PRKAA1: variants seen among roughly 807,000 people sequenced by gnomAD.
The protein encoded by PRKAA1 is protein kinase AMP-activated catalytic subunit alpha 1.
A neutral mutation model predicts 56.9 loss-of-function variants in PRKAA1; 23 were observed. The observed-to-expected ratio is 0.40, with a 90% CI of 0.29 to 0.57. The LOEUF is 0.57. PRKAA1 is among the 20% of genes least tolerant of loss of function. PRKAA1 has a pLI of 0.39. For missense variants in PRKAA1, 413 were observed against 679.7 expected (o/e 0.61, Z 4.36); for synonymous variants, 226 against 227.0 (o/e 1.00, Z 0.04).
At chr5:40,769,948 G>GA (rs1411655328) in intron 4 of PRKAA1, among the ~76,000 whole-genome samples, 1 of 113,798 alleles carries the variant, frequency 8.8e-6, no homozygotes, top group Non-Finnish European at 1.8e-5. Context: ...ACTCCAAAAA[G>GA]AAACTGTTGC....
At chr5:40,778,202 T>C (rs1744104988) in intron 1 of PRKAA1, among the ~76,000 whole-genome samples, 5 of 152,136 alleles carry the variant, frequency 3.3e-5, no homozygotes, top group African/African-American at 4.8e-5. Context: ...TGAGCCCAGA[T>C]TGCACCACTG....
intron 3 of PRKAA1, chr5:40,775,031 A>T (rs1394920047): frequency 8.7e-7 from 1 of 1,150,820 alleles, no homozygotes; most frequent in Non-Finnish European, 1.3e-6. Flanking sequence ...CAAGGCCTAG[A>T]TCTTTAAGTA....
At chr5:40,782,996 T>A (rs995968325) in intron 1 of PRKAA1, among the ~76,000 whole-genome samples, 1 of 152,166 alleles carries the variant, frequency 6.6e-6, no homozygotes, top group African/African-American at 2.4e-5. Context: ...TCTTCCCTTT[T>A]GAAGTAATAG....
At chr5:40,780,885 T>G (rs1400522336) in intron 1 of PRKAA1, among the ~76,000 whole-genome samples, 2 of 152,174 alleles carry the variant, frequency 1.3e-5, no homozygotes, top group Non-Finnish European at 1.5e-5. Context: ...AATAATGCTT[T>G]AACAAGTTTC....
In PRKAA1 at chr5:40,761,482, A is replaced by G. The variant is rs995216224; in HGVS notation, c.*1296T>C. 1.3e-5 allele frequency: 2 copies of G among 152,210 alleles called. No homozygotes were observed. Among genetic ancestry groups the G allele is most frequent in the African/African-American group, 4.8e-5 (2 of 41,458 alleles). 9.4% of individuals were successfully genotyped at this position (152,210 alleles called of 1,614,324 possible). A position where few individuals can be genotyped will look rare whatever the true frequency, so the allele number is the denominator to read the frequency against. The stretch of plus-strand genomic sequence containing the variant: ...TATGCATAACTAGCTGTATCTATAC[A>G]TATATAGGTATAGAGAAAACAAATG... On this transcript the variant is annotated 3_prime_UTR_variant, in exon 9 of 9. Coordinates refer to ENST00000397128, the MANE Select transcript of PRKAA1 (RefSeq NM_006251.6).
chr5:40,783,744 G>C (rs932873542), intron 1 of PRKAA1, among the ~76,000 whole-genome samples: 3 of 152,160 alleles, frequency 2.0e-5, no homozygotes, highest in Middle Eastern at 3.4e-3. Flanking sequence ...GGGCAACAGA[G>C]CGAGACTCCA....
Position 40,798,145 on chromosome 5 carries a change from C to T in PRKAA1, c.45G>A (p.Lys15=), listed in dbSNP as rs779743652. The change falls in exon 1 of 9, where the codon AAG becomes AAA. Residue 15 remains lysine (K), a synonymous_variant. Coordinates refer to ENST00000397128, the MANE Select transcript of PRKAA1 (RefSeq NM_006251.6). ...TCTTCACCCGCCCGTCGTGTTTCTG[C>T]TTCTCGGCTGTCGCCATCTTTCTCC... ...SSWRKMATAE[K]QKHDGRVKIG... 8 of 1,595,246 alleles carry T rather than the reference C, an allele frequency of 5.0e-6. No homozygotes were observed. In the African/African-American group the frequency reaches 1.1e-4, roughly 22 times the overall value.
chr5:40,784,618 A>G (rs973447713), intron 1 of PRKAA1, among the ~76,000 whole-genome samples: 1 of 152,166 alleles, frequency 6.6e-6, no homozygotes, highest in Non-Finnish European at 1.5e-5. Flanking sequence ...TTTAACAAAA[A>G]CAATTTTTTA....
At chr5:40,766,413 C>T (rs559115278) in intron 6 of PRKAA1, among the ~76,000 whole-genome samples, 3 of 152,096 alleles carry the variant, frequency 2.0e-5, no homozygotes, top group African/African-American at 7.2e-5. Context: ...AAAAAAGAAA[C>T]AAGGCTTGCA....
At chr5:40,786,514 G>C (rs1425737787) in intron 1 of PRKAA1, among the ~76,000 whole-genome samples, 1 of 151,816 alleles carries the variant, frequency 6.6e-6, no homozygotes, top group Admixed American at 6.6e-5. Context: ...TAGAGCTGAG[G>C]AATAGTATAA....
rs920984352 is a variant in PRKAA1, at chr5:40,762,746, T to G, written c.*32A>C. 1.2e-6 allele frequency: 2 copies of G among 1,609,160 alleles called. No individual in the cohort carries two copies. The highest frequency in any genetic ancestry group is 1.3e-5 in the African/African-American group (1 of 74,746). On this transcript the variant is annotated 3_prime_UTR_variant, in exon 9 of 9. Transcript: ENST00000397128. ...GGCTGTGACTTATTATGCATGCTTA[T>G]TGCTGCAAAAGAAATAAGCAAAGTT...
Position 40,762,970 on chromosome 5 carries a change from T to C in PRKAA1, c.1488A>G (p.Ser496=). 3 of 1,614,122 alleles carry C rather than the reference T, an allele frequency of 1.9e-6. No individual in the cohort carries two copies. Among genetic ancestry groups the C allele is most frequent in the Non-Finnish European group, 2.5e-6 (3 of 1,179,956 alleles). The stretch of plus-strand genomic sequence containing the variant: ...TTTGGCAAGATCGATAGTTGCTAAC[T>C]GATCCCGATCTCTGTGGAGTAGCAG... ...SGTATPQRSG[S]VSNYRSCQRS... Residue 496 remains serine, a synonymous_variant, in exon 9 of 9, where the codon TCA becomes TCG. Coordinates refer to ENST00000397128, the MANE Select transcript of PRKAA1 (RefSeq NM_006251.6).
chr5:40,766,107 T>C (rs1305564429), intron 6 of PRKAA1, among the ~76,000 whole-genome samples: 2 of 152,210 alleles, frequency 1.3e-5, no homozygotes, highest in Non-Finnish European at 2.9e-5. Context: ...AACAAAAACA[T>C]TTCTTACCTA....
Position 40,759,848 on chromosome 5 carries a change from C to T in PRKAA1, c.*2930G>A, listed in dbSNP as rs1402838625. 2 of 152,224 alleles carry T rather than the reference C, an allele frequency of 1.3e-5. No homozygotes were observed. Among genetic ancestry groups the T allele is most frequent in the African/African-American group, 4.8e-5 (2 of 41,438 alleles). 9.4% of individuals were successfully genotyped at this position (152,224 alleles called of 1,614,324 possible). A position where few individuals can be genotyped will look rare whatever the true frequency, so the allele number is the denominator to read the frequency against. On this transcript the variant is annotated 3_prime_UTR_variant, in exon 9 of 9. Transcript: ENST00000397128. ...TAGGTAAAAGCAATGGAGTTTATTT[C>T]AGTGAAATTATTTTAAATTAGATAT...
chr5:40,777,815 G>A (rs1744083362), intron 1 of PRKAA1, among the ~76,000 whole-genome samples: 1 of 152,120 alleles, frequency 6.6e-6, no homozygotes, highest in South Asian at 2.1e-4. Flanking sequence ...GCTCATGCCT[G>A]TAATCCCAGC....
At chr5:40,781,418 ATCC>A (rs1744260554) in intron 1 of PRKAA1, among the ~76,000 whole-genome samples, 1 of 152,134 alleles carries the variant, frequency 6.6e-6, no homozygotes, top group African/African-American at 2.4e-5. Flanking sequence ...ATGGCATGGA[ATCC>A]AGCAAAGAAG....
rs1054729735 is a variant in PRKAA1, at chr5:40,760,279, C to T, written c.*2499G>A. ...TTACTGCAATTGTCTGTGCATTTATCATACTATTTATAGAAGTGCAATATT... is the reference window on the plus strand; with the variant it reads ...TTACTGCAATTGTCTGTGCATTTATTATACTATTTATAGAAGTGCAATATT... On this transcript the variant is annotated 3_prime_UTR_variant, in exon 9 of 9. Coordinates refer to ENST00000397128, the MANE Select transcript of PRKAA1 (RefSeq NM_006251.6). 1 of 152,632 alleles carries T rather than the reference C, an allele frequency of 6.6e-6. No individual in the cohort carries two copies. Among genetic ancestry groups the T allele is most frequent in the African/African-American group, 2.4e-5 (1 of 41,436 alleles). 9.5% of individuals were successfully genotyped at this position (152,632 alleles called of 1,614,324 possible).
intron 1 of PRKAA1, among the ~76,000 whole-genome samples, chr5:40,794,737 A>C (rs1445598728): frequency 7.9e-6 from 1 of 126,164 alleles, no homozygotes; most frequent in African/African-American, 2.7e-5. Context: ...CAATTTGTTG[A>C]AAAGGGTGAA....
intron 1 of PRKAA1, among the ~76,000 whole-genome samples, chr5:40,780,261 A>G (rs1744212273): frequency 6.6e-6 from 1 of 152,142 alleles, no homozygotes; most frequent in Non-Finnish European, 1.5e-5. Flanking sequence ...TTTCTCTTTC[A>G]GCATTAAGTA....
Sources: gnomAD v4.1 joint callset for allele counts (sites outside exome capture counted in the v4.1 genomes callset) on GRCh38, gnomAD v4.1.1 for gene constraint, MANE v1.5 for transcripts, NCBI Gene and HGNC (gene_info 2026-07-23, HGNC 2026-07-21) for gene names.